The following SEC16B variants were observed in gnomAD, a reference collection of about 807,000 sequenced individuals.
SEC16B encodes SEC16 homolog B, endoplasmic reticulum export factor.
Under a neutral mutation model 141.8 loss-of-function variants are expected in SEC16B, and 115 were observed. The observed-to-expected ratio is 0.81, with a 90% CI of 0.70 to 0.95. The LOEUF (loss-of-function observed/expected upper bound fraction) is 0.95, where lower values mean the gene tolerates loss of function less well. Among genes scored for constraint, SEC16B ranks in the 40% least tolerant of loss-of-function variants. SEC16B has a pLI of 0.00. For synonymous variants in SEC16B, 493 were observed against 492.5 expected, an observed-to-expected ratio of 1.00 and a Z score of -0.01; for missense variants, 1,291 against 1,312.3, an observed-to-expected ratio of 0.98 and a Z score of 0.25.
intron 16 of SEC16B, 30 bp downstream of exon 16, chr1:177,941,870 C>T (rs757396219): frequency 6.2e-7 from 1 of 1,605,388 alleles, no homozygotes; most frequent in Non-Finnish European, 8.5e-7. Context: ...GAAGATAAAA[C>T]AACTGCACAG....
intron 11 of SEC16B, among the ~76,000 whole-genome samples, chr1:177,953,109 G>A (rs551647775): frequency 1.3e-5 from 2 of 150,970 alleles, no homozygotes; most frequent in African/African-American, 2.4e-5. Flanking sequence ...AGGTTCAAGC[G>A]ATTCTCCTGC....
In SEC16B at chr1:177,939,691, A is replaced by C. The variant is rs1651131406; in HGVS notation, c.2203+11T>G. 6.3e-7 allele frequency: 1 copy of C among 1,576,686 alleles called. No individual in the cohort carries two copies. Among genetic ancestry groups the C allele is most frequent in the Non-Finnish European group, 8.6e-7 (1 of 1,156,868 alleles). Reference sequence around the variant, plus strand: ...CAGCTATGTATATGCTCAGTTCATCATTTTGGGTACCTGTTGTTGTTCCTC... The same window carrying C: ...CAGCTATGTATATGCTCAGTTCATCCTTTTGGGTACCTGTTGTTGTTCCTC... On this transcript the variant is annotated intron_variant, in intron 18 of 25. Transcript: ENST00000308284.
Position 177,958,389 on chromosome 1 carries a change from G to C in SEC16B, c.1135-27C>G, listed in dbSNP as rs549493372. The C allele has an allele frequency of 4.0e-4, 608 of 1,522,596 alleles. 3 individuals are homozygous for C. The South Asian group carries it at 7.8e-3, about 19-fold the overall frequency. The allele number at this position is 1,522,596 out of a possible 1,614,324, so 94.3% of individuals were successfully genotyped here. On this transcript the variant is annotated intron_variant, in intron 9 of 25. Transcript: ENST00000308284. ...TGTAAGGCAAAGAGGATCATCTGGGGAGAATCCTATGAGTCCTCAGGCTGG... is the reference window on the plus strand; with the variant it reads ...TGTAAGGCAAAGAGGATCATCTGGGCAGAATCCTATGAGTCCTCAGGCTGG...
At chr1:177,943,117 A>C (rs1218629885) in intron 15 of SEC16B, among the ~76,000 whole-genome samples, 1 of 152,210 alleles carries the variant, frequency 6.6e-6, no homozygotes, top group African/African-American at 2.4e-5. Context: ...AGGCACGCAG[A>C]AGCTAATCTC....
upstream of SEC16B, among the ~76,000 whole-genome samples, chr1:177,974,010 A>G (rs189058970): frequency 3.4e-3 from 521 of 152,230 alleles, 2 homozygotes; most frequent in African/African-American, 0.012. Flanking sequence ...ATATATATAT[A>G]TGTTTATAAA....
intron 1 of SEC16B, among the ~76,000 whole-genome samples, chr1:177,979,352 T>TA (rs1308458955): frequency 6.6e-6 from 1 of 152,224 alleles, no homozygotes; most frequent in African/African-American, 2.4e-5. Context: ...AGGTTCATAC[T>TA]ATTTTGCAGG....
chr1:177,961,741 G>A lies in SEC16B; in HGVS notation c.643-7C>T. ...ACTCACTAGCCAATGATGGCTGAAAGTTAAAAACAAAAACACACAGGAAGA... is the reference window on the plus strand; with the variant it reads ...ACTCACTAGCCAATGATGGCTGAAAATTAAAAACAAAAACACACAGGAAGA... On this transcript the variant is annotated splice_region_variant and splice_polypyrimidine_tract_variant and intron_variant, in intron 5 of 25. Transcript: ENST00000308284. 3.7e-6 allele frequency: 6 copies of A among 1,612,408 alleles called. No individual in the cohort carries two copies. The highest frequency in any genetic ancestry group is 5.1e-6 in the Non-Finnish European group (6 of 1,179,520).
intron 15 of SEC16B, among the ~76,000 whole-genome samples, chr1:177,944,180 T>A (rs1651493443): frequency 1.3e-5 from 2 of 152,212 alleles, no homozygotes; most frequent in Non-Finnish European, 2.9e-5. Flanking sequence ...GACACTGGGC[T>A]GGGCCTGCGC....
chr1:177,966,034 T>G, intron 2 of SEC16B, 29 bp from the exon 3 acceptor site: 1 of 1,373,644 alleles, frequency 7.3e-7, no homozygotes, highest in Non-Finnish European at 1.0e-6. Context: ...GACTGGTCAG[T>G]TGAGGACAAG....
chr1:177,938,328 T>C lies in SEC16B; in HGVS notation c.2204-815A>G, dbSNP rs12067961. On this transcript the variant is annotated intron_variant, in intron 18 of 25. Transcript: ENST00000308284. ...GATCTTTTGACGCATAGGGCCTAACTGTAATACACTTAAAGGATAAGTCTC... is the reference window on the plus strand; with the variant it reads ...GATCTTTTGACGCATAGGGCCTAACCGTAATACACTTAAAGGATAAGTCTC... Among the ~76,000 whole-genome samples the C allele has an allele frequency of 5.4e-3, 817 of 152,280 alleles. 12 individuals carry two copies. Among genetic ancestry groups the C allele is most frequent in the African/African-American group, 0.018 (767 of 41,554 alleles).
intron 4 of SEC16B, 36 bp from the exon 5 acceptor site, chr1:177,964,315 T>C: frequency 1.3e-6 from 2 of 1,515,694 alleles, no homozygotes; most frequent in Non-Finnish European, 9.1e-7. Context: ...AGCGGGGTCC[T>C]GGGCAAGCCA....
At chr1:177,940,772 G>A (rs186051902) in intron 16 of SEC16B, 58 bp from the exon 17 acceptor site, 5 of 1,217,652 alleles carry the variant, frequency 4.1e-6, no homozygotes, top group Non-Finnish European at 5.9e-6. Context: ...AGGAGAGAGA[G>A]GGAAGAGAAA....
intron 1 of SEC16B, among the ~76,000 whole-genome samples, chr1:177,982,714 A>G (rs1158795426): frequency 6.6e-6 from 1 of 152,124 alleles, no homozygotes; most frequent in Non-Finnish European, 1.5e-5. Context: ...TAGCCTGGCT[A>G]ATTTTTATTT....
intron 13 of SEC16B, among the ~76,000 whole-genome samples, chr1:177,947,524 C>A (rs962627348): frequency 6.6e-6 from 1 of 151,976 alleles, no homozygotes; most frequent in Non-Finnish European, 1.5e-5. Flanking sequence ...TGCATTCACT[C>A]ACGGCAGAAA....
At chr1:177,958,773 ATC>A (rs1015306977) in intron 9 of SEC16B, 65 bp downstream of exon 9, 230 of 1,524,370 alleles carry the variant, frequency 1.5e-4, no homozygotes, top group Non-Finnish European at 1.9e-4. Context: ...CATAAACATA[ATC>A]TTATCTATCC....
intron 9 of SEC16B, 145 bp from the exon 10 acceptor site, chr1:177,958,507 C>A (rs149011550): frequency 4.6e-6 from 3 of 646,284 alleles, no homozygotes; most frequent in Non-Finnish European, 5.1e-6. Context: ...TGTTAGATTG[C>A]TATATTTCAG....
intron 19 of SEC16B, 128 bp from the exon 20 acceptor site, chr1:177,936,493 G>A (rs1300186362): frequency 2.6e-6 from 2 of 759,190 alleles, no homozygotes; most frequent in Non-Finnish European, 4.5e-6. Flanking sequence ...ATAAGCCCAA[G>A]CCAATCACAG....
intron 11 of SEC16B, among the ~76,000 whole-genome samples, chr1:177,953,642 A>G (rs1226196715): frequency 1.3e-5 from 2 of 152,046 alleles, no homozygotes; most frequent in Non-Finnish European, 2.9e-5. Context: ...ACTCCTGGCT[A>G]TGGATCCTTG....
chr1:177,963,858 T>TA (rs1444003308), intron 5 of SEC16B, among the ~76,000 whole-genome samples: 1 of 152,186 alleles, frequency 6.6e-6, no homozygotes, highest in African/African-American at 2.4e-5. Flanking sequence ...CTGGGGTCCC[T>TA]AACACCTAAC....
Sources: gnomAD v4.1 joint callset for allele counts (sites outside exome capture counted in the v4.1 genomes callset) on GRCh38, gnomAD v4.1.1 for gene constraint, MANE v1.5 for transcripts, NCBI Gene and HGNC (gene_info 2026-07-23, HGNC 2026-07-21) for gene names.